The following RFTN1 variants were observed in gnomAD, a reference collection of about 807,000 sequenced individuals.
RFTN1 encodes raftlin.
A neutral mutation model predicts 46.5 loss-of-function variants in RFTN1; 26 were observed. That is an observed-to-expected ratio of 0.56 (90% CI 0.41 to 0.78). RFTN1 has a LOEUF of 0.78. Ranked by LOEUF, RFTN1 falls within the 30% of genes least tolerant of loss-of-function variation. The probability of loss-of-function intolerance (pLI) is 0.00; values close to 1 mark genes in which losing one functional copy is unlikely to be tolerated. For synonymous variants in RFTN1, 261 were observed against 284.2 expected (o/e 0.92, Z 0.82); for missense variants, 693 against 718.7 (o/e 0.96, Z 0.41).
intron 4 of RFTN1, among the ~76,000 whole-genome samples, chr3:16,395,612 ATTTTATT>A (rs2074450928): frequency 6.6e-6 from 1 of 152,098 alleles, no homozygotes; most frequent in South Asian, 2.1e-4. Context: ...TGCTCAGCTA[ATTTTATT>A]TTTTATTTTT....
At position 16,342,454 on chromosome 3, in the gene RFTN1, C is replaced by T. The variant is rs985692972; in HGVS notation, c.1146+15478G>A. 6.6e-6 allele frequency among the ~76,000 whole-genome samples: 1 copy of T among 152,030 alleles called. No individual in the cohort carries two copies. The highest frequency in any genetic ancestry group is 1.5e-5 in the Non-Finnish European group (1 of 68,010). On this transcript the variant is annotated intron_variant, in intron 7 of 9. Coordinates refer to ENST00000334133, the MANE Select transcript of RFTN1 (RefSeq NM_015150.2). The surrounding 1 kb of genome is among the most constrained non-coding windows in gnomAD (Gnocchi z 4.0). Reference sequence around the variant, plus strand: ...CATTTGATGAACATTTAAGTTGTTTCTACTTTTTGGACATTACAAATAAAG... The same window carrying T: ...CATTTGATGAACATTTAAGTTGTTTTTACTTTTTGGACATTACAAATAAAG...
rs568839768 is a variant in RFTN1 at position 16,487,442 on chromosome 3, T to TA, written c.145+6282dup. ...TAAGCTATAGAACTTTCGGCAATGA[T>TA]AAAAACGTTCTCTGTCTGCGCTGTC... is the stretch of plus-strand genomic sequence containing the variant. On this transcript the variant is annotated intron_variant, in intron 2 of 9. Coordinates refer to ENST00000334133, the MANE Select transcript of RFTN1 (RefSeq NM_015150.2). Among the ~76,000 whole-genome samples the TA allele has an allele frequency of 1.7e-3, 255 of 152,360 alleles. 2 individuals are homozygous for TA. The highest frequency in any genetic ancestry group is 5.8e-3 in the African/African-American group (243 of 41,584).
At chr3:16,394,123 T>C (rs1007174177) in intron 4 of RFTN1, among the ~76,000 whole-genome samples, 3 of 151,990 alleles carry the variant, frequency 2.0e-5, no homozygotes, top group Non-Finnish European at 4.4e-5. Context: ...TCCCAGTACT[T>C]TGGGAGGCCA....
chr3:16,486,593 T>A (rs59112864), intron 2 of RFTN1, among the ~76,000 whole-genome samples: 54,543 of 152,050 alleles, frequency 0.36, 9,929 homozygotes, highest in South Asian at 0.47. Context: ...CAACTGTCCC[T>A]GGCACCAAAT....
chr3:16,445,878 C>T (rs927550157), intron 2 of RFTN1, among the ~76,000 whole-genome samples: 1 of 151,964 alleles, frequency 6.6e-6, no homozygotes, highest in Admixed American at 6.6e-5. Context: ...ATTTGTTTCA[C>T]AGCATCTATC....
intron 2 of RFTN1, among the ~76,000 whole-genome samples, chr3:16,435,463 G>A (rs1280522046): frequency 4.6e-5 from 7 of 152,102 alleles, no homozygotes; most frequent in African/African-American, 1.7e-4. Flanking sequence ...CCAGCTACTC[G>A]GGAGGCTGAG....
rs2074216306 is a variant in RFTN1 at position 16,387,398 on chromosome 3, A to T, written c.442-9296T>A. Among the ~76,000 whole-genome samples, 1 of 152,112 alleles carries T rather than the reference A, an allele frequency of 6.6e-6. No homozygotes were observed. Among genetic ancestry groups the T allele is most frequent in the African/African-American group, 2.4e-5 (1 of 41,422 alleles). ...CAGAGATGACTTAAAGACAAAATCG[A>T]GGTCAGAAGCTGAGAAGCCCATCCC... On this transcript the variant is annotated intron_variant, in intron 4 of 9. Transcript: ENST00000334133. The surrounding 1 kb of genome is among the most constrained non-coding windows in gnomAD (Gnocchi z 5.2).
chr3:16,490,990 AAG>A (rs1020282437), intron 2 of RFTN1, among the ~76,000 whole-genome samples: 2 of 152,224 alleles, frequency 1.3e-5, no homozygotes, highest in Non-Finnish European at 2.9e-5. Flanking sequence ...CAGAGAATAA[AAG>A]AGAGAAAATC....
chr3:16,357,711 T>C (rs1268472365), intron 7 of RFTN1, among the ~76,000 whole-genome samples: 1 of 152,132 alleles, frequency 6.6e-6, no homozygotes, highest in Non-Finnish European at 1.5e-5. Context: ...GCACATGCAA[T>C]GTGCTTTTCT....
chr3:16,328,309 G>A (rs940103173), intron 7 of RFTN1, among the ~76,000 whole-genome samples: 58 of 152,334 alleles, frequency 3.8e-4, no homozygotes, highest in African/African-American at 1.3e-3. Flanking sequence ...GAGGCAGCGC[G>A]CGTGACCATG....
intron 3 of RFTN1, among the ~76,000 whole-genome samples, chr3:16,417,853 G>A (rs1471308407): frequency 6.6e-6 from 1 of 152,088 alleles, no homozygotes; most frequent in Middle Eastern, 3.2e-3. Flanking sequence ...GACTACAGGC[G>A]TGTACCACCA....
At position 16,345,836 on chromosome 3, in the gene RFTN1, ACGCG is replaced by A. The variant is rs1491500683; in HGVS notation, c.1146+12092_1146+12095del. On this transcript the variant is annotated intron_variant, in intron 7 of 9. Coordinates refer to ENST00000334133, the MANE Select transcript of RFTN1 (RefSeq NM_015150.2). The surrounding 1 kb of genome is among the most constrained non-coding windows in gnomAD (Gnocchi z 5.2). ...TGTGTGTGCGCGCGCGCGTGCGCGC[ACGCG>A]CACATGTGCATGTGTATGTGTATAA... Among the ~76,000 whole-genome samples, 15 of 63,586 alleles carry A rather than the reference ACGCG, an allele frequency of 2.4e-4. No individual in the cohort carries two copies. The highest frequency in any genetic ancestry group is 5.5e-4 in the African/African-American group (13 of 23,484). The allele number at this position is 63,586 out of a possible 152,430, so 41.7% of individuals were successfully genotyped here.
intron 3 of RFTN1, among the ~76,000 whole-genome samples, chr3:16,416,833 A>G (rs976374720): frequency 6.6e-6 from 1 of 152,090 alleles, no homozygotes; most frequent in Non-Finnish European, 1.5e-5. Flanking sequence ...ACTCAAAACT[A>G]CTTCCAACTT....
intron 4 of RFTN1, among the ~76,000 whole-genome samples, chr3:16,406,473 A>G (rs4685333): frequency 0.53 from 80,235 of 152,024 alleles, 21,294 homozygotes; most frequent in East Asian, 0.58. Flanking sequence ...GTTTAGAGGA[A>G]CAGAGATGGA....
chr3:16,464,784 T>C (rs569264160), intron 2 of RFTN1, among the ~76,000 whole-genome samples: 3 of 152,348 alleles, frequency 2.0e-5, no homozygotes, highest in Admixed American at 2.0e-4. Context: ...CAGATTTAAG[T>C]AGTTGTAACA....
In RFTN1 at chr3:16,361,914, GT is replaced by G. The variant is rs2072857737; in HGVS notation, c.1031-3868del. 6.6e-6 allele frequency among the ~76,000 whole-genome samples: 1 copy of G among 152,366 alleles called. No individual in the cohort carries two copies. Among genetic ancestry groups the G allele is most frequent in the African/African-American group, 2.4e-5 (1 of 41,584 alleles). On this transcript the variant is annotated intron_variant, in intron 6 of 9. Coordinates refer to ENST00000334133, the MANE Select transcript of RFTN1 (RefSeq NM_015150.2). The surrounding 1 kb of genome is among the most constrained non-coding windows in gnomAD (Gnocchi z 4.3). The stretch of plus-strand genomic sequence containing the variant: ...CCGCAGTGGAGCCCAGCTGAGACCA[GT>G]TCTGCCTCAACAGAGCTGCTCCAGC...
chr3:16,368,177 G>A (rs1438225936), intron 6 of RFTN1, among the ~76,000 whole-genome samples: 1 of 152,152 alleles, frequency 6.6e-6, no homozygotes, highest in Non-Finnish European at 1.5e-5. Context: ...ACACTGATAT[G>A]TCAGGCTGTA....
chr3:16,390,737 T>A (rs563927944), intron 4 of RFTN1, among the ~76,000 whole-genome samples: 1 of 152,188 alleles, frequency 6.6e-6, no homozygotes, highest in Non-Finnish European at 1.5e-5. Context: ...TAAGGCATCA[T>A]AACGAGAAGC....
At chr3:16,463,239 A>T in intron 2 of RFTN1, among the ~76,000 whole-genome samples, 1 of 152,006 alleles carries the variant, frequency 6.6e-6, no homozygotes, top group Admixed American at 6.5e-5. Context: ...CTTCTGTCTC[A>T]TTCCCTCCCT....
Sources: gnomAD v4.1 joint callset for allele counts (sites outside exome capture counted in the v4.1 genomes callset) on GRCh38, gnomAD v4.1.1 for gene constraint, Gnocchi (gnomAD v3.1) non-coding constraint, MANE v1.5 for transcripts, NCBI Gene and HGNC (gene_info 2026-07-23, HGNC 2026-07-21) for gene names.